Variants in MYRIP observed in about 807,000 individuals in gnomAD.
The protein encoded by MYRIP is rab effector MyRIP.
Under a neutral mutation model 98.0 loss-of-function variants are expected in MYRIP, and 49 were observed. The observed-to-expected ratio is 0.50, with a 90% confidence interval of 0.40 to 0.63. The LOEUF is 0.63. MYRIP is among the 30% of genes least tolerant of loss of function. MYRIP has a pLI of 0.00. For synonymous variants in MYRIP, 404 were observed against 409.5 expected, an observed-to-expected ratio of 0.99 and a Z score of 0.16; for missense variants, 1,004 against 1,058.2, an observed-to-expected ratio of 0.95 and a Z score of 0.71.
rs557145601 is a variant in MYRIP at position 39,973,106 on chromosome 3, C to T, written c.111-70944C>T. Among the ~76,000 whole-genome samples the T allele has an allele frequency of 2.0e-5, 3 of 151,988 alleles. No individual in the cohort carries two copies. In the East Asian group the frequency reaches 5.8e-4, roughly 29 times the overall value. ...GCCCCAATTAAAAGACACAGACTGG[C>T]AAATTGGATAAAGAGTCAAGACCCA... On this transcript the variant is annotated intron_variant, in intron 2 of 16. Transcript: ENST00000302541.
chr3:39,919,889 A>C (rs73829712), intron 2 of MYRIP, among the ~76,000 whole-genome samples: 5,688 of 152,220 alleles, frequency 0.037, 202 homozygotes, highest in South Asian at 0.13. Flanking sequence ...TGAAAATGTA[A>C]GAGCTAAGGG....
At chr3:39,872,162 C>G (rs1056976439) in intron 1 of MYRIP, among the ~76,000 whole-genome samples, 2 of 151,832 alleles carry the variant, frequency 1.3e-5, no homozygotes, top group Non-Finnish European at 2.9e-5. Context: ...ATAAATAGTG[C>G]TTCTGATTAT....
intron 7 of MYRIP, among the ~76,000 whole-genome samples, chr3:40,168,450 T>A (rs1950544094): frequency 1.3e-5 from 2 of 152,176 alleles, no homozygotes. Flanking sequence ...TTTATAACAG[T>A]GTTTATTAGC....
chr3:40,091,962 A>G (rs966436751), intron 3 of MYRIP, among the ~76,000 whole-genome samples: 11 of 152,166 alleles, frequency 7.2e-5, no homozygotes, highest in African/African-American at 2.7e-4. Flanking sequence ...ATTTGCATGG[A>G]AAGAGATGAT....
In MYRIP at chr3:39,979,639, A is replaced by G. The variant is rs554255249; in HGVS notation, c.111-64411A>G. ...GGCAACAAGAGTGAAACTACATCTC[A>G]AAAACCAAAACAAAACAAAAAAAAA... On this transcript the variant is annotated intron_variant, in intron 2 of 16. Coordinates refer to ENST00000302541, the MANE Select transcript of MYRIP (RefSeq NM_015460.4). Among the ~76,000 whole-genome samples the G allele has an allele frequency of 1.5e-3, 228 of 148,426 alleles. 1 individual carries two copies. Among genetic ancestry groups the G allele is most frequent in the African/African-American group, 5.4e-3 (215 of 40,102 alleles).
intron 3 of MYRIP, among the ~76,000 whole-genome samples, chr3:40,059,195 G>C (rs1003332725): frequency 6.6e-6 from 1 of 152,030 alleles, no homozygotes; most frequent in Non-Finnish European, 1.5e-5. Flanking sequence ...ATAGGTATTT[G>C]GCCTGGTTCC....
intron 2 of MYRIP, among the ~76,000 whole-genome samples, chr3:39,911,234 G>T (rs1434828323): frequency 6.6e-6 from 1 of 152,198 alleles, no homozygotes; most frequent in African/African-American, 2.4e-5. Flanking sequence ...CACCTGTGGG[G>T]TCTGCCTTTA....
intron 2 of MYRIP, among the ~76,000 whole-genome samples, chr3:39,957,120 T>C (rs1945186374): frequency 6.6e-6 from 1 of 151,838 alleles, no homozygotes; most frequent in Non-Finnish European, 1.5e-5. Flanking sequence ...GCTGGTACCA[T>C]TCCTTCTGAA....
intron 1 of MYRIP, among the ~76,000 whole-genome samples, chr3:39,881,956 T>C (rs1213259731): frequency 2.0e-5 from 3 of 152,118 alleles, no homozygotes; most frequent in African/African-American, 2.4e-5. Context: ...AGGGTTTTTT[T>C]CCCATCTTTT....
At chr3:39,996,414 C>G (rs1266554767) in intron 2 of MYRIP, among the ~76,000 whole-genome samples, 5 of 152,100 alleles carry the variant, frequency 3.3e-5, no homozygotes, top group African/African-American at 4.8e-5. Flanking sequence ...TTTAAACCAA[C>G]AAAGATCAAA....
chr3:40,017,482 A>T (rs1469805429), intron 2 of MYRIP, among the ~76,000 whole-genome samples: 1 of 152,064 alleles, frequency 6.6e-6, no homozygotes, highest in Non-Finnish European at 1.5e-5. Context: ...CTCAAACCCA[A>T]CCCAGCTGAC....
chr3:39,850,206 T>C (rs1942088756), intron 1 of MYRIP, among the ~76,000 whole-genome samples: 1 of 152,220 alleles, frequency 6.6e-6, no homozygotes, highest in South Asian at 2.1e-4. Flanking sequence ...ACTGGGAAGC[T>C]GTCTATCAGG....
chr3:39,895,525 T>TA (rs1943587241), intron 1 of MYRIP, among the ~76,000 whole-genome samples: 1 of 57,938 alleles, frequency 1.7e-5, no homozygotes, highest in Non-Finnish European at 3.8e-5. Flanking sequence ...ATATATATAT[T>TA]TTTTTTTCGC....
chr3:40,158,413 C>T (rs531542169), intron 4 of MYRIP, among the ~76,000 whole-genome samples: 17 of 152,152 alleles, frequency 1.1e-4, no homozygotes, highest in African/African-American at 4.1e-4. Context: ...GCTTTACTTC[C>T]AAGTATGTGG....
chr3:40,089,427 A>G (rs898255270), intron 3 of MYRIP, among the ~76,000 whole-genome samples: 2 of 152,214 alleles, frequency 1.3e-5, no homozygotes, highest in Non-Finnish European at 2.9e-5. Flanking sequence ...TTAGAACATC[A>G]TCCTTTTTCA....
chr3:40,106,151 A>G (rs1174474669), intron 3 of MYRIP, among the ~76,000 whole-genome samples: 1 of 152,124 alleles, frequency 6.6e-6, no homozygotes, highest in Non-Finnish European at 1.5e-5. Context: ...GTATAGCTTA[A>G]ATAATAATAA....
intron 9 of MYRIP, 120 bp from the exon 10 acceptor site, chr3:40,189,706 A>C (rs1951146360): frequency 1.8e-6 from 2 of 1,109,166 alleles, no homozygotes; most frequent in African/African-American, 3.1e-5. Flanking sequence ...GGGCTTCCTA[A>C]AGGCAACTGC....
intron 1 of MYRIP, among the ~76,000 whole-genome samples, chr3:39,829,174 C>T (rs1941359851): frequency 6.6e-6 from 1 of 152,172 alleles, no homozygotes; most frequent in African/African-American, 2.4e-5. Flanking sequence ...GCCATTCTTA[C>T]AGGAGTAAGG....
intron 3 of MYRIP, among the ~76,000 whole-genome samples, chr3:40,143,801 C>A (rs1012915975): frequency 1.3e-5 from 2 of 152,140 alleles, no homozygotes; most frequent in Non-Finnish European, 2.9e-5. Context: ...ACATAAAGCA[C>A]ATTACTTTTT....
Sources: gnomAD v4.1 joint callset for allele counts (sites outside exome capture counted in the v4.1 genomes callset) on GRCh38, gnomAD v4.1.1 for gene constraint, MANE v1.5 for transcripts, NCBI Gene and HGNC (gene_info 2026-07-23, HGNC 2026-07-21) for gene names.